The following COL15A1 variants were observed in gnomAD, a reference collection of about 807,000 sequenced individuals.
COL15A1 encodes the protein collagen type XV alpha 1 chain, also known as collagen alpha-1(XV) chain.
COL15A1 carries 111 observed loss-of-function variants against 165.9 expected under a neutral mutation model. The ratio of observed to expected loss-of-function variants is 0.67; its 90% CI spans 0.57 to 0.78. The LOEUF is 0.78. Ranked by LOEUF, COL15A1 falls within the 30% of genes least tolerant of loss-of-function variation. COL15A1 has a pLI of 0.00. For missense variants in COL15A1, 1,745 were observed against 1,789.7 expected (o/e 0.98, Z 0.45); for synonymous variants, 659 against 674.8 (o/e 0.98, Z 0.36).
intron 5 of COL15A1, among the ~76,000 whole-genome samples, chr9:98,991,658 T>A (rs1045174350): frequency 6.6e-6 from 1 of 152,128 alleles, no homozygotes; most frequent in African/African-American, 2.4e-5. Flanking sequence ...GAGTGCCGAT[T>A]GATGCATTTA....
At chr9:98,959,014 T>C (rs1241769771) in intron 2 of COL15A1, among the ~76,000 whole-genome samples, 2 of 152,048 alleles carry the variant, frequency 1.3e-5, no homozygotes, top group African/African-American at 4.8e-5. Context: ...TCAGCTCCTG[T>C]CATCTCTGCA....
intron 9 of COL15A1, among the ~76,000 whole-genome samples, chr9:99,011,468 T>A (rs1838847687): frequency 6.6e-6 from 1 of 151,608 alleles, no homozygotes; most frequent in Non-Finnish European, 1.5e-5. Context: ...AGATTCTTTC[T>A]TGTATAAAAT....
chr9:99,043,157 C>A (rs953123663), intron 24 of COL15A1, among the ~76,000 whole-genome samples: 2 of 151,854 alleles, frequency 1.3e-5, no homozygotes, highest in Admixed American at 6.6e-5. Context: ...TTCTCTCCCC[C>A]CATCATTCTA....
At chr9:99,042,532 C>A (rs1839425584) in intron 24 of COL15A1, among the ~76,000 whole-genome samples, 1 of 152,244 alleles carries the variant, frequency 6.6e-6, no homozygotes, top group Non-Finnish European at 1.5e-5. Context: ...CCCCTTAGAA[C>A]ATGCACTGCC....
At chr9:99,061,161 A>C (rs1324651206) in intron 36 of COL15A1, among the ~76,000 whole-genome samples, 4 of 152,232 alleles carry the variant, frequency 2.6e-5, no homozygotes, top group African/African-American at 9.6e-5. Flanking sequence ...TTGGCTGCCA[A>C]AAGAAAGAAC....
intron 2 of COL15A1, among the ~76,000 whole-genome samples, chr9:98,971,530 C>T (rs920297960): frequency 6.6e-6 from 1 of 152,028 alleles, no homozygotes; most frequent in African/African-American, 2.4e-5. Flanking sequence ...CCTGCCCGCA[C>T]CTGCTGGCCT....
intron 16 of COL15A1, among the ~76,000 whole-genome samples, chr9:99,029,730 C>A (rs1404992475): frequency 6.6e-6 from 1 of 152,010 alleles, no homozygotes; most frequent in Non-Finnish European, 1.5e-5. Flanking sequence ...TTGAGACCAG[C>A]CTGGTCAACA....
chr9:98,981,051 G>A (rs904971759), intron 2 of COL15A1, among the ~76,000 whole-genome samples: 1 of 152,194 alleles, frequency 6.6e-6, no homozygotes, highest in Non-Finnish European at 1.5e-5. Context: ...GTGTATAAGG[G>A]AGTCCGTGGC....
intron 21 of COL15A1, 93 bp from the exon 22 acceptor site, chr9:99,038,575 A>G (rs1839345753): frequency 3.7e-6 from 3 of 803,770 alleles, no homozygotes; most frequent in Non-Finnish European, 6.6e-6. Context: ...GTGTTCCGCT[A>G]TGCTGGGTGA....
chr9:99,045,484 C>G (rs765498102), intron 26 of COL15A1, among the ~76,000 whole-genome samples: 8 of 152,226 alleles, frequency 5.3e-5, no homozygotes, highest in Non-Finnish European at 1.2e-4. Context: ...GAATCCATAA[C>G]CCATCTGGGC....
intron 11 of COL15A1, among the ~76,000 whole-genome samples, chr9:99,019,791 A>G (rs914503086): frequency 2.0e-5 from 3 of 152,160 alleles, no homozygotes; most frequent in African/African-American, 7.2e-5. Context: ...ATGACCCAGC[A>G]CATAGTACAT....
intron 35 of COL15A1, 126 bp from the exon 36 acceptor site, chr9:99,059,763 G>T (rs938697308): frequency 3.1e-6 from 3 of 980,766 alleles, no homozygotes; most frequent in Non-Finnish European, 4.6e-6. Context: ...GATACAGGTG[G>T]AAGTTGGGAT....
chr9:98,947,485 C>T (rs191649704), intron 2 of COL15A1, among the ~76,000 whole-genome samples: 52 of 152,278 alleles, frequency 3.4e-4, no homozygotes, highest in African/African-American at 1.2e-3. Flanking sequence ...TCTAACTATA[C>T]ATTTAAAATG....
rs748308539 is a variant in COL15A1 at position 99,015,567 on chromosome 9, G to C, written c.1503+1G>C. On this transcript the variant is annotated splice_donor_variant, in intron 10 of 41. Coordinates refer to ENST00000375001, the MANE Select transcript of COL15A1 (RefSeq NM_001855.5). LOFTEE classifies it high-confidence loss of function. ...GGCCCCTGAGCGGGCAGTCACTTCTGTAAGTGTCATCTTGTGTCCTCTCTG... is the reference window on the plus strand; with the variant it reads ...GGCCCCTGAGCGGGCAGTCACTTCTCTAAGTGTCATCTTGTGTCCTCTCTG... 1.2e-6 allele frequency: 2 copies of C among 1,613,392 alleles called. No individual in the cohort carries two copies. Among genetic ancestry groups the C allele is most frequent in the East Asian group, 2.2e-5 (1 of 44,890 alleles).
intron 28 of COL15A1, 31 bp from the exon 29 acceptor site, chr9:99,049,659 C>A: frequency 6.2e-7 from 1 of 1,611,866 alleles, no homozygotes; most frequent in Non-Finnish European, 8.5e-7. Flanking sequence ...ACAACCTGAA[C>A]TAATGGAATG....
At chr9:99,026,175 C>T (rs1839120771) in intron 16 of COL15A1, among the ~76,000 whole-genome samples, 1 of 152,170 alleles carries the variant, frequency 6.6e-6, no homozygotes, top group South Asian at 2.1e-4. Context: ...TCTTGTCTGC[C>T]CCTAGCTTCA....
chr9:98,959,924 T>A lies in COL15A1; in HGVS notation c.100+15674T>A, dbSNP rs556671250. On this transcript the variant is annotated intron_variant, in intron 2 of 41. Coordinates refer to ENST00000375001, the MANE Select transcript of COL15A1 (RefSeq NM_001855.5). ...TCCTCTCACATCCCTCCCCGTACCC[T>A]GGCTCTACCACCCTGAACTGCTTGC... Among the ~76,000 whole-genome samples the A allele has an allele frequency of 3.9e-5, 6 of 152,348 alleles. No individual in the cohort carries two copies. In the South Asian group the frequency reaches 1.2e-3, roughly 32 times the overall value.
At position 99,059,757 on chromosome 9, in the gene COL15A1, C is replaced by G. The variant is rs1031383762; in HGVS notation, c.3338-132C>G. On this transcript the variant is annotated intron_variant, in intron 35 of 41. Transcript: ENST00000375001. ...CGCTGGGGGCACAGCACCCAAGATA[C>G]AGGTGGAAGTTGGGATGCTTTGTGG... The G allele has an allele frequency of 1.6e-5, 15 of 913,884 alleles. No homozygotes were observed. The Admixed American group carries it at 1.7e-4, about 10-fold the overall frequency. The allele number at this position is 913,884 out of a possible 1,614,324, so 56.6% of individuals were successfully genotyped here.
chr9:99,003,382 T>G (rs575168956), intron 7 of COL15A1, 71 bp from the exon 8 acceptor site: 1 of 1,262,976 alleles, frequency 7.9e-7, no homozygotes, highest in East Asian at 2.8e-5. Flanking sequence ...CTAGGCAGTC[T>G]GTTCTCACCA....
Sources: gnomAD v4.1 joint callset for allele counts (sites outside exome capture counted in the v4.1 genomes callset) on GRCh38, gnomAD v4.1.1 for gene constraint, MANE v1.5 for transcripts, NCBI Gene and HGNC (gene_info 2026-07-23, HGNC 2026-07-21) for gene names.